LTBP1: variants seen among roughly 807,000 people sequenced by gnomAD.
LTBP1 encodes latent-transforming growth factor beta-binding protein 1.
A neutral mutation model predicts 207.6 loss-of-function variants in LTBP1; 129 were observed. That is an observed-to-expected ratio of 0.62 (90% confidence interval 0.54 to 0.72). The LOEUF (loss-of-function observed/expected upper bound fraction) is 0.72, where lower values mean the gene tolerates loss of function less well. Ranked by LOEUF, LTBP1 falls within the 30% of genes least tolerant of loss-of-function variation. The probability of loss-of-function intolerance (pLI) is 0.00; values close to 1 mark genes in which losing one functional copy is unlikely to be tolerated. For missense variants in LTBP1, 2,281 were observed against 2,217.2 expected (o/e 1.03, Z -0.58); for synonymous variants, 963 against 833.7 (o/e 1.16, Z -2.67).
intron 3 of LTBP1, among the ~76,000 whole-genome samples, chr2:33,102,933 G>A (rs996899438): frequency 5.3e-5 from 8 of 151,546 alleles, no homozygotes; most frequent in Non-Finnish European, 1.0e-4. Context: ...CAGTCTGTAT[G>A]CTGTATTCAT....
At chr2:33,266,597 C>T (rs766831928) in intron 15 of LTBP1, among the ~76,000 whole-genome samples, 1 of 152,138 alleles carries the variant, frequency 6.6e-6, no homozygotes, top group Non-Finnish European at 1.5e-5. Context: ...TCAGCACACA[C>T]TTCCTCCATT....
intron 10 of LTBP1, among the ~76,000 whole-genome samples, chr2:33,246,796 T>A (rs1202733785): frequency 6.6e-6 from 1 of 152,186 alleles, no homozygotes; most frequent in African/African-American, 2.4e-5. Flanking sequence ...CTTTCTCTCC[T>A]TGCCGCTTGC....
At chr2:32,951,775 A>G (rs1057208471) in intron 2 of LTBP1, among the ~76,000 whole-genome samples, 1 of 152,220 alleles carries the variant, frequency 6.6e-6, no homozygotes, top group Non-Finnish European at 1.5e-5. Context: ...TTAGTATTGG[A>G]TCAAGCCAAG....
At chr2:33,203,319 T>A (rs975364626) in intron 7 of LTBP1, among the ~76,000 whole-genome samples, 8 of 152,208 alleles carry the variant, frequency 5.3e-5, no homozygotes, top group Non-Finnish European at 1.5e-5. Flanking sequence ...AATCACCGCA[T>A]GTGAGAGAGA....
Position 33,186,955 on chromosome 2 carries a change from T to A in LTBP1, c.1301T>A (p.Val434Asp). The change falls in exon 6 of 34, where the codon GTC becomes GAC. Residue 434 changes from valine to aspartate, a missense_variant. Physicochemically the swap from Val to Asp is radical, Grantham distance 152 (BLOSUM62 -3). This residue lies in a region of LTBP1 where 1,671 missense variants were observed against 1,634.8 expected (regional missense o/e 1.02). Transcript: ENST00000404816. ...NFTGKLCQIP[V>D]HGASVPKLYQ... ...ACAGGAAAACTTTGTCAGATCCCAG[T>A]CCATGGTGCCAGCGTGCCTAAACTT... 6.2e-7 allele frequency: 1 copy of A among 1,614,192 alleles called. No homozygotes were observed. The highest frequency in any genetic ancestry group is 8.5e-7 in the Non-Finnish European group (1 of 1,180,014).
At chr2:33,354,712 A>G (rs2094833299) in intron 26 of LTBP1, among the ~76,000 whole-genome samples, 1 of 134,872 alleles carries the variant, frequency 7.4e-6, no homozygotes, top group Admixed American at 7.7e-5. Flanking sequence ...ACACACACAC[A>G]CACACACACA....
intron 7 of LTBP1, among the ~76,000 whole-genome samples, chr2:33,200,539 G>A (rs1460796383): frequency 6.6e-6 from 1 of 152,124 alleles, no homozygotes; most frequent in Non-Finnish European, 1.5e-5. Context: ...GAAAACCTAG[G>A]CATTACCATT....
chr2:33,055,316 C>G (rs187254195), intron 3 of LTBP1, among the ~76,000 whole-genome samples: 2 of 152,118 alleles, frequency 1.3e-5, no homozygotes, highest in Admixed American at 1.3e-4. Context: ...TTAAGGCCTC[C>G]CATAGCCACT....
At chr2:33,042,216 A>G (rs763708693) in intron 3 of LTBP1, among the ~76,000 whole-genome samples, 3 of 152,308 alleles carry the variant, frequency 2.0e-5, no homozygotes, top group Non-Finnish European at 4.4e-5. Context: ...TTACTTGTTG[A>G]TATGACTAAC....
At chr2:33,216,780 C>T (rs747602454) in intron 7 of LTBP1, among the ~76,000 whole-genome samples, 1 of 152,148 alleles carries the variant, frequency 6.6e-6, no homozygotes, top group African/African-American at 2.4e-5. Context: ...GGCACTTCCT[C>T]ACCCCATTGA....
At chr2:33,166,077 T>TG in intron 5 of LTBP1, among the ~76,000 whole-genome samples, 1 of 152,070 alleles carries the variant, frequency 6.6e-6, no homozygotes, top group East Asian at 1.9e-4. Flanking sequence ...GTTTTTTTTT[T>TG]TTTTTCTTGT....
rs2090807280 is a variant in LTBP1 at position 33,217,593 on chromosome 2, C to T, written c.1743C>T (p.Cys581=). 1 of 1,613,954 alleles carries T rather than the reference C, an allele frequency of 6.2e-7. No homozygotes were observed. Reference sequence around the variant, plus strand: ...CTGGCCTTTCAAAGCAAGAGGACTGCTGTGGAACTGTGGGTACCTCCTGGG... The same window carrying T: ...CTGGCCTTTCAAAGCAAGAGGACTGTTGTGGAACTGTGGGTACCTCCTGGG... ...ALPGLSKQED[C]CGTVGTSWGF... is the part of the protein sequence containing the mutation. Residue 581 remains cysteine (C), a synonymous_variant, in exon 8 of 34, where the codon TGC becomes TGT. Transcript: ENST00000404816.
At chr2:33,061,239 G>C (rs10490452) in intron 3 of LTBP1, among the ~76,000 whole-genome samples, 15,532 of 152,070 alleles carry the variant, frequency 0.1, 885 homozygotes, top group Non-Finnish European at 0.12. Flanking sequence ...ATGCCTTTCA[G>C]ACTAAGATGC....
At chr2:33,372,899 T>C (rs1487183299) in intron 31 of LTBP1, among the ~76,000 whole-genome samples, 1 of 152,110 alleles carries the variant, frequency 6.6e-6, no homozygotes, top group African/African-American at 2.4e-5. Context: ...TTCTGGAAAA[T>C]GTACGTAAGA....
Position 33,206,066 on chromosome 2 carries a change from A to G in LTBP1, c.1702-11486A>G, listed in dbSNP as rs1442108250. Reference sequence around the variant, plus strand: ...CAGTCTACGGTATTTTGTTATGGCAATCTAACACATAGTTTTGGAGCTGGG... The same window carrying G: ...CAGTCTACGGTATTTTGTTATGGCAGTCTAACACATAGTTTTGGAGCTGGG... On this transcript the variant is annotated intron_variant, in intron 7 of 33. Coordinates refer to ENST00000404816, the MANE Select transcript of LTBP1 (RefSeq NM_206943.4). Among the ~76,000 whole-genome samples the G allele has an allele frequency of 3.9e-5, 6 of 152,190 alleles. No homozygotes were observed. The East Asian group carries it at 9.6e-4, about 24-fold the overall frequency.
intron 4 of LTBP1, among the ~76,000 whole-genome samples, chr2:33,127,079 T>G (rs1320539274): frequency 6.6e-6 from 1 of 152,216 alleles, no homozygotes; most frequent in Admixed American, 6.5e-5. Context: ...TATTTTTGTT[T>G]GCTCTGGATT....
At chr2:33,040,874 T>C (rs1259367388) in intron 3 of LTBP1, among the ~76,000 whole-genome samples, 6 of 152,128 alleles carry the variant, frequency 3.9e-5, no homozygotes, top group Non-Finnish European at 7.4e-5. Flanking sequence ...GGGATGATAA[T>C]GACACCTGGG....
At chr2:33,070,553 C>T (rs1273231328) in intron 3 of LTBP1, among the ~76,000 whole-genome samples, 2 of 152,176 alleles carry the variant, frequency 1.3e-5, no homozygotes, top group African/African-American at 2.4e-5. Context: ...GATTTTGTGC[C>T]AAGAGAATGC....
intron 9 of LTBP1, among the ~76,000 whole-genome samples, chr2:33,225,452 G>T (rs749210205): frequency 6.6e-6 from 1 of 152,202 alleles, no homozygotes; most frequent in Non-Finnish European, 1.5e-5. Context: ...TCACAATCAT[G>T]GTGGAAGCCA....
Sources: allele counts gnomAD v4.1 joint callset (sites outside exome capture counted in the v4.1 genomes callset), GRCh38; gene constraint gnomAD v4.1.1; regional missense constraint gnomAD v4.1.1; transcripts MANE v1.5; gene names NCBI Gene and HGNC (gene_info 2026-07-23, HGNC 2026-07-21).